LOC128125814: variants seen among roughly 807,000 people sequenced by gnomAD.
the LOC128125814 span, among the ~76,000 whole-genome samples, chr12:57,518,379 C>A: frequency 6.6e-6 from 1 of 152,160 alleles, no homozygotes; most frequent in Non-Finnish European, 1.5e-5. Context: ...TAGCATTTTC[C>A]TAACTCCATT....
chr12:57,520,199 G>A, the LOC128125814 span, among the ~76,000 whole-genome samples: 2 of 152,240 alleles, frequency 1.3e-5, no homozygotes, highest in Admixed American at 1.3e-4. Context: ...CAGCAGCACA[G>A]AGCAGGGCCC....
At chr12:57,519,128 C>A in the LOC128125814 span, 2 of 532,840 alleles carry the variant, frequency 3.8e-6, no homozygotes, top group African/African-American at 3.9e-5. Flanking sequence ...CACCCCTCCG[C>A]AACTCTATTC....
the LOC128125814 span, chr12:57,519,213 C>A: frequency 1.9e-6 from 1 of 533,026 alleles, no homozygotes; most frequent in Non-Finnish European, 3.8e-6. Context: ...CTTCCTATTT[C>A]ATGTCATGGA....
chr12:57,518,227 ACTTT>A, the LOC128125814 span, among the ~76,000 whole-genome samples: 2,993 of 152,222 alleles, frequency 0.02, 96 homozygotes, highest in African/African-American at 0.069. Context: ...AGAGGGCCTG[ACTTT>A]CTTTATTTTT....
the LOC128125814 span, among the ~76,000 whole-genome samples, chr12:57,517,911 C>CT: frequency 6.6e-6 from 1 of 151,804 alleles, no homozygotes; most frequent in East Asian, 1.9e-4. Flanking sequence ...ACTGCAACCT[C>CT]TGCCTCCTCG....
chr12:57,519,676 A>G, the LOC128125814 span, among the ~76,000 whole-genome samples: 7 of 152,214 alleles, frequency 4.6e-5, no homozygotes, highest in African/African-American at 1.7e-4. Context: ...GCAGAGCCAA[A>G]CGGGGCTGGC....
chr12:57,518,514 G>A, the LOC128125814 span, among the ~76,000 whole-genome samples: 15 of 152,152 alleles, frequency 9.9e-5, no homozygotes, highest in Non-Finnish European at 2.1e-4. Context: ...CTAAGACTAT[G>A]TGCAAAGGCA....
At chr12:57,519,404 G>C in the LOC128125814 span, 2 of 365,468 alleles carry the variant, frequency 5.5e-6, no homozygotes, top group Non-Finnish European at 1.1e-5. Context: ...CTTGCTCAAG[G>C]ATGTACCCTG....
the LOC128125814 span, among the ~76,000 whole-genome samples, chr12:57,518,068 A>G: frequency 6.6e-6 from 1 of 152,022 alleles, no homozygotes; most frequent in African/African-American, 2.4e-5. Flanking sequence ...CTTGTGATCC[A>G]TCGCTTCCCA....
At chr12:57,519,158 GAGCCTTTT>G in the LOC128125814 span, 2 of 533,422 alleles carry the variant, frequency 3.7e-6, no homozygotes, top group Non-Finnish European at 7.7e-6. Flanking sequence ...CAGCCTGAGT[GAGCCTTTT>G]AAAACAGGTC....
At chr12:57,517,814 CTTTTTCTTTTTT>C in the LOC128125814 span, 1 of 424,620 alleles carries the variant, frequency 2.4e-6, no homozygotes, top group Non-Finnish European at 4.1e-6. Context: ...ACTTACTTTT[CTTTTTCTTTTTT>C]TCTTTCTTTT....
the LOC128125814 span, among the ~76,000 whole-genome samples, chr12:57,517,946 C>T: frequency 0.013 from 1,954 of 152,026 alleles, 173 homozygotes; most frequent in Admixed American, 0.12. Flanking sequence ...TCTGCCTCGG[C>T]CTCCCGAGTA....
the LOC128125814 span, among the ~76,000 whole-genome samples, chr12:57,519,889 C>T: frequency 6.6e-6 from 1 of 152,202 alleles, no homozygotes; most frequent in East Asian, 1.9e-4. Flanking sequence ...CATCGGCACC[C>T]CTCCCAAAGG....
the LOC128125814 span, among the ~76,000 whole-genome samples, chr12:57,518,112 TG>T: frequency 7.9e-5 from 12 of 151,556 alleles, no homozygotes; most frequent in African/African-American, 1.7e-4. Context: ...GCTACCGTGC[TG>T]GGCCCTTATT....
At chr12:57,520,043 G>T in the LOC128125814 span, among the ~76,000 whole-genome samples, 1 of 152,246 alleles carries the variant, frequency 6.6e-6, no homozygotes, top group African/African-American at 2.4e-5. Flanking sequence ...GCGAAGCGGC[G>T]GAAACGGCCT....
chr12:57,519,961 G>A, the LOC128125814 span, among the ~76,000 whole-genome samples: 56 of 152,360 alleles, frequency 3.7e-4, no homozygotes, highest in African/African-American at 1.3e-3. Context: ...CTACCAAGGT[G>A]GCCATGCTGA....
the LOC128125814 span, among the ~76,000 whole-genome samples, chr12:57,518,213 C>T: frequency 1.1e-4 from 17 of 152,030 alleles, no homozygotes; most frequent in Non-Finnish European, 2.1e-4. Context: ...TTTCGAAGGG[C>T]AGAAGAGGGC....
the LOC128125814 span, among the ~76,000 whole-genome samples, chr12:57,519,935 G>C: frequency 6.6e-6 from 1 of 152,198 alleles, no homozygotes; most frequent in Non-Finnish European, 1.5e-5. Flanking sequence ...TCCGCTGCAG[G>C]GTCCAGTAGC....
the LOC128125814 span, chr12:57,517,835 T>C: frequency 3.7e-5 from 16 of 427,470 alleles, no homozygotes; most frequent in African/African-American, 2.7e-4. Context: ...TTTCTTTCTT[T>C]TTTTTTTTTT....
Sources: allele counts gnomAD v4.1 joint callset (sites outside exome capture counted in the v4.1 genomes callset), GRCh38; gene constraint gnomAD v4.1.1; transcripts MANE v1.5.